Variants in NEK10 observed in about 807,000 individuals in gnomAD.
NEK10 encodes the protein NIMA related kinase 10.
Under a neutral mutation model 159.8 loss-of-function variants are expected in NEK10, and 122 were observed. The observed-to-expected ratio is 0.76, with a 90% confidence interval of 0.66 to 0.89. NEK10 has a LOEUF of 0.89. Among genes scored for constraint, NEK10 ranks in the 40% least tolerant of loss-of-function variants. The pLI, the probability that NEK10 is intolerant of heterozygous loss-of-function variation, is 0.00. For missense variants in NEK10, 1,342 were observed against 1,323.1 expected, an observed-to-expected ratio of 1.01 and a Z score of -0.22; for synonymous variants, 466 against 457.1, an observed-to-expected ratio of 1.02 and a Z score of -0.25.
intron 30 of NEK10, among the ~76,000 whole-genome samples, chr3:27,145,767 C>T (rs1180854442): frequency 6.6e-6 from 1 of 152,018 alleles, no homozygotes; most frequent in Non-Finnish European, 1.5e-5. Flanking sequence ...AGACTGAGTG[C>T]TGTGGTCTAA....
At chr3:27,307,153 T>C (rs902200299) in intron 11 of NEK10, among the ~76,000 whole-genome samples, 13 of 152,230 alleles carry the variant, frequency 8.5e-5, no homozygotes, top group African/African-American at 2.9e-4. Flanking sequence ...TTTGTTCAGA[T>C]AACCAAGTCT....
chr3:27,288,857 G>T (rs963351548), intron 19 of NEK10, among the ~76,000 whole-genome samples: 4 of 152,058 alleles, frequency 2.6e-5, no homozygotes, highest in Admixed American at 2.6e-4. Flanking sequence ...CTTTTTGAAG[G>T]GAGATTGCTA....
At chr3:27,223,656 C>T (rs1397110355) in intron 23 of NEK10, among the ~76,000 whole-genome samples, 1 of 152,120 alleles carries the variant, frequency 6.6e-6, no homozygotes, top group African/African-American at 2.4e-5. Flanking sequence ...CCCCAACCTT[C>T]CTGTCTCTGT....
Position 27,174,842 on chromosome 3 carries a change from A to G in NEK10, c.2506-9T>C, listed in dbSNP as rs1947349800. 1 of 1,561,008 alleles carries G rather than the reference A, an allele frequency of 6.4e-7. No homozygotes were observed. The highest frequency in any genetic ancestry group is 8.6e-7 in the Non-Finnish European group (1 of 1,158,778). On this transcript the variant is annotated splice_polypyrimidine_tract_variant and intron_variant, in intron 26 of 35. Coordinates refer to ENST00000691995, the MANE Select transcript of NEK10 (RefSeq NM_001394966.1). Reference sequence around the variant, plus strand: ...GCCTTCTCAAAGGTCTCCTGGAAAGAGAAATTCAGTTTTTCATAGCCTCTT... The same window carrying G: ...GCCTTCTCAAAGGTCTCCTGGAAAGGGAAATTCAGTTTTTCATAGCCTCTT...
intron 3 of NEK10, among the ~76,000 whole-genome samples, chr3:27,348,681 C>T (rs1298052042): frequency 6.6e-6 from 1 of 152,126 alleles, no homozygotes; most frequent in Non-Finnish European, 1.5e-5. Flanking sequence ...GTTGTTCATT[C>T]CTTTCCTGGT....
intron 31 of NEK10, among the ~76,000 whole-genome samples, chr3:27,133,226 A>G (rs1179493259): frequency 6.6e-6 from 1 of 152,206 alleles, no homozygotes; most frequent in East Asian, 1.9e-4. Flanking sequence ...TGTCAAGCCA[A>G]GGAATTTCAG....
chr3:27,307,980 C>T, intron 10 of NEK10, 35 bp from the exon 11 acceptor site: 1 of 1,034,048 alleles, frequency 9.7e-7, no homozygotes, highest in Non-Finnish European at 1.5e-6. Flanking sequence ...TTACTAAAAG[C>T]ATATTTTGCT....
chr3:27,133,959 C>G (rs1290145765), intron 31 of NEK10, among the ~76,000 whole-genome samples: 2 of 151,954 alleles, frequency 1.3e-5, no homozygotes, highest in African/African-American at 4.8e-5. Flanking sequence ...TTGCCTTAAT[C>G]CAGATGGGAT....
intron 25 of NEK10, chr3:27,194,681 C>T (rs1170771724): frequency 6.6e-6 from 1 of 152,154 alleles, no homozygotes; most frequent in Non-Finnish European, 1.5e-5. Flanking sequence ...GTCCTTGGAG[C>T]TAGCTGAAAG....
intron 5 of NEK10, among the ~76,000 whole-genome samples, chr3:27,338,732 G>A (rs1411578517): frequency 6.6e-6 from 1 of 152,176 alleles, no homozygotes; most frequent in African/African-American, 2.4e-5. Context: ...CTTCTTTTGA[G>A]AAGTGTCTGT....
At chr3:27,341,538 A>G (rs1465188156) in intron 5 of NEK10, among the ~76,000 whole-genome samples, 4 of 152,196 alleles carry the variant, frequency 2.6e-5, no homozygotes, top group Admixed American at 2.6e-4. Flanking sequence ...ATTAGTTACC[A>G]TTGTGTAACT....
intron 16 of NEK10, among the ~76,000 whole-genome samples, chr3:27,292,509 G>T (rs2043066507): frequency 6.6e-6 from 1 of 152,044 alleles, no homozygotes; most frequent in East Asian, 1.9e-4. Context: ...TCACTAAAAG[G>T]GATGATTTAG....
chr3:27,312,600 AAT>A (rs2044792695), intron 7 of NEK10, among the ~76,000 whole-genome samples: 4 of 152,200 alleles, frequency 2.6e-5, no homozygotes, highest in Admixed American at 2.6e-4. Context: ...ATAAGCTCTG[AAT>A]ATATGTCTAA....
intron 23 of NEK10, among the ~76,000 whole-genome samples, chr3:27,220,339 T>G (rs78809591): frequency 6.6e-6 from 1 of 152,346 alleles, no homozygotes; most frequent in African/African-American, 2.4e-5. Flanking sequence ...ACTGCCCACA[T>G]TCCTTGGCTT....
intron 30 of NEK10, among the ~76,000 whole-genome samples, chr3:27,160,577 A>G (rs1365971776): frequency 6.6e-6 from 1 of 152,202 alleles, no homozygotes; most frequent in Non-Finnish European, 1.5e-5. Flanking sequence ...AGCAAAACCT[A>G]ACCACTCTTT....
At chr3:27,128,902 T>C (rs1206217970) in intron 32 of NEK10, among the ~76,000 whole-genome samples, 1 of 152,104 alleles carries the variant, frequency 6.6e-6, no homozygotes, top group Non-Finnish European at 1.5e-5. Flanking sequence ...GAGTCATGGG[T>C]GGAGGAGCTC....
At chr3:27,338,900 A>G (rs1472591723) in intron 5 of NEK10, among the ~76,000 whole-genome samples, 2 of 152,140 alleles carry the variant, frequency 1.3e-5, no homozygotes, top group Non-Finnish European at 2.9e-5. Context: ...TTTTATGGCT[A>G]AGACCTCAAA....
intron 26 of NEK10, among the ~76,000 whole-genome samples, chr3:27,183,525 A>T (rs1313773693): frequency 2.6e-5 from 4 of 152,050 alleles, no homozygotes; most frequent in African/African-American, 9.6e-5. Context: ...GGTAGGCAAC[A>T]ATTTCATTAC....
At chr3:27,273,479 T>C (rs1575546542) in intron 22 of NEK10, among the ~76,000 whole-genome samples, 1 of 152,322 alleles carries the variant, frequency 6.6e-6, no homozygotes, top group East Asian at 1.9e-4. Flanking sequence ...TTTTTCACTA[T>C]CTTTAAAAGG....
Sources: allele counts gnomAD v4.1 joint callset (sites outside exome capture counted in the v4.1 genomes callset), GRCh38; gene constraint gnomAD v4.1.1; transcripts MANE v1.5; gene names NCBI Gene and HGNC (gene_info 2026-07-23, HGNC 2026-07-21).